Variants in ME3 observed in about 807,000 individuals in gnomAD.
The protein encoded by ME3 is malic enzyme 3.
A neutral mutation model predicts 68.9 loss-of-function variants in ME3; 48 were observed. That is an observed-to-expected ratio of 0.70 (90% CI 0.55 to 0.89). The LOEUF (loss-of-function observed/expected upper bound fraction) is 0.89. ME3 is among the 40% of genes least tolerant of loss of function. ME3 has a pLI of 0.00. For synonymous variants in ME3, 320 were observed against 318.8 expected, an observed-to-expected ratio of 1.00 and a Z score of -0.04; for missense variants, 675 against 797.4, an observed-to-expected ratio of 0.85 and a Z score of 1.85.
intron 4 of ME3, among the ~76,000 whole-genome samples, chr11:86,513,536 G>A (rs1017975544): frequency 6.6e-6 from 1 of 152,192 alleles, no homozygotes; most frequent in South Asian, 2.1e-4. Context: ...CCAGGATCCT[G>A]AGTCCGATGC....
intron 8 of ME3, among the ~76,000 whole-genome samples, chr11:86,456,984 T>C (rs1320959066): frequency 6.6e-6 from 1 of 152,160 alleles, no homozygotes; most frequent in Non-Finnish European, 1.5e-5. Context: ...TCTGAATCCT[T>C]TCACCACCAA....
intron 2 of ME3, among the ~76,000 whole-genome samples, chr11:86,665,836 A>C (rs1946557743): frequency 1.3e-5 from 2 of 152,174 alleles, no homozygotes; most frequent in South Asian, 4.1e-4. Flanking sequence ...GGTCTGAAAG[A>C]AAGAGAGTGG....
intron 2 of ME3, among the ~76,000 whole-genome samples, chr11:86,631,416 T>G (rs1944007044): frequency 6.6e-6 from 1 of 152,270 alleles, no homozygotes; most frequent in Non-Finnish European, 1.5e-5. Flanking sequence ...TGCCTGTAAC[T>G]TATAGGCAGT....
intron 7 of ME3, among the ~76,000 whole-genome samples, chr11:86,479,247 C>T (rs1951255286): frequency 6.6e-6 from 1 of 152,302 alleles, no homozygotes; most frequent in East Asian, 1.9e-4. Flanking sequence ...CCAGGATGTG[C>T]ACCAGCGGCC....
At chr11:86,450,501 G>T in intron 8 of ME3, 103 bp from the exon 9 acceptor site, 2 of 921,054 alleles carry the variant, frequency 2.2e-6, no homozygotes, top group Non-Finnish European at 3.4e-6. Flanking sequence ...GGAGGAACAG[G>T]CAACTTTTCT....
chr11:86,522,542 G>A (rs535754135), intron 4 of ME3, among the ~76,000 whole-genome samples: 64 of 149,852 alleles, frequency 4.3e-4, no homozygotes, highest in African/African-American at 1.4e-3. Flanking sequence ...TCCTTGACCC[G>A]CCGACAGGCC....
intron 6 of ME3, 64 bp from the exon 7 acceptor site, chr11:86,487,504 C>CTTTTTT: frequency 7.6e-7 from 1 of 1,313,464 alleles, no homozygotes. Flanking sequence ...TTTTTTCCAA[C>CTTTTTT]AAGTATCCAG....
chr11:86,599,837 T>A (rs1960278072), intron 2 of ME3, among the ~76,000 whole-genome samples: 1 of 152,196 alleles, frequency 6.6e-6, no homozygotes, highest in African/African-American at 2.4e-5. Context: ...CAGAATTTCA[T>A]ATCCAGCCAA....
intron 4 of ME3, among the ~76,000 whole-genome samples, chr11:86,554,630 T>C (rs911204862): frequency 6.6e-6 from 1 of 152,294 alleles, no homozygotes; most frequent in African/African-American, 2.4e-5. Flanking sequence ...CTCATAATGA[T>C]TGAGTTAGGT....
chr11:86,485,531 C>G (rs1594138269), intron 7 of ME3, among the ~76,000 whole-genome samples: 1 of 152,174 alleles, frequency 6.6e-6, no homozygotes. Flanking sequence ...ATCTTAGCTG[C>G]AAACATCTAA....
At chr11:86,546,379 C>G (rs1348665213) in intron 4 of ME3, among the ~76,000 whole-genome samples, 4 of 152,244 alleles carry the variant, frequency 2.6e-5, no homozygotes, top group East Asian at 1.9e-4. Context: ...GAACAGGCAG[C>G]CTACAGAATG....
chr11:86,504,431 C>A (rs1053193568), intron 5 of ME3, among the ~76,000 whole-genome samples: 1 of 134,814 alleles, frequency 7.4e-6, no homozygotes, highest in Admixed American at 7.9e-5. Context: ...ACTACTCTCT[C>A]CCAGACTGGA....
chr11:86,471,171 A>G (rs117293512), intron 7 of ME3, among the ~76,000 whole-genome samples: 6,760 of 91,386 alleles, frequency 0.074, 277 homozygotes, highest in Middle Eastern at 0.12. Flanking sequence ...TTTTTTTGAG[A>G]GACAGAGTCT....
At chr11:86,471,546 A>G (rs926897925) in intron 7 of ME3, among the ~76,000 whole-genome samples, 1 of 152,148 alleles carries the variant, frequency 6.6e-6, no homozygotes, top group Non-Finnish European at 1.5e-5. Flanking sequence ...CTGTAACAAT[A>G]TATGTCACAT....
intron 2 of ME3, among the ~76,000 whole-genome samples, chr11:86,654,788 G>A (rs1163811214): frequency 6.6e-6 from 1 of 152,134 alleles, no homozygotes. Context: ...ATTCAATTAG[G>A]AAAAGAGGAA....
At chr11:86,627,307 T>C (rs1265484826) in intron 2 of ME3, among the ~76,000 whole-genome samples, 2 of 152,208 alleles carry the variant, frequency 1.3e-5, no homozygotes, top group Non-Finnish European at 2.9e-5. Flanking sequence ...ATAAATCTAA[T>C]AGATGCTTAA....
At chr11:86,581,574 T>C (rs1011360536) in intron 2 of ME3, among the ~76,000 whole-genome samples, 1 of 152,202 alleles carries the variant, frequency 6.6e-6, no homozygotes, top group African/African-American at 2.4e-5. Context: ...GGTAAAAAGT[T>C]GATGGCAAGC....
At chr11:86,624,004 G>A (rs566356494) in intron 2 of ME3, among the ~76,000 whole-genome samples, 2 of 152,270 alleles carry the variant, frequency 1.3e-5, no homozygotes, top group South Asian at 4.2e-4. Context: ...TAAACCAGGA[G>A]TATCCACCTA....
intron 2 of ME3, among the ~76,000 whole-genome samples, chr11:86,634,705 T>A (rs1312697327): frequency 6.6e-6 from 1 of 152,174 alleles, no homozygotes; most frequent in Non-Finnish European, 1.5e-5. Flanking sequence ...TTTTTGTTTG[T>A]TTTGTGTTTC....
Sources: allele counts gnomAD v4.1 joint callset (sites outside exome capture counted in the v4.1 genomes callset), GRCh38; gene constraint gnomAD v4.1.1; transcripts MANE v1.5; gene names NCBI Gene and HGNC (gene_info 2026-07-23, HGNC 2026-07-21).